Variants in POLN observed in about 807,000 individuals in gnomAD.
The protein encoded by POLN is DNA polymerase nu.
A neutral mutation model predicts 113.5 loss-of-function variants in POLN; 108 were observed. The observed-to-expected ratio is 0.95, with a 90% confidence interval of 0.81 to 1.12. The LOEUF (loss-of-function observed/expected upper bound fraction) is 1.12. Among genes scored for constraint, POLN ranks in the 50% most tolerant of loss-of-function variants. The pLI, the probability that POLN is intolerant of heterozygous loss-of-function variation, is 0.00. For synonymous variants in POLN, 386 were observed against 391.5 expected, an observed-to-expected ratio of 0.99 and a Z score of 0.17; for missense variants, 1,097 against 1,077.1, an observed-to-expected ratio of 1.02 and a Z score of -0.26.
chr4:2,240,083 T>C (rs1411816115), intron 2 of POLN: 2 of 1,613,954 alleles, frequency 1.2e-6, no homozygotes, highest in Non-Finnish European at 1.7e-6. Flanking sequence ...ATTTTATACT[T>C]GACTTCATGC....
chr4:2,148,643 G>A (rs1732209668), intron 16 of POLN, among the ~76,000 whole-genome samples: 1 of 149,662 alleles, frequency 6.7e-6, no homozygotes, highest in African/African-American at 2.5e-5. Flanking sequence ...CTCCAGCCTG[G>A]GCGACAGAGC....
chr4:2,128,874 G>A (rs1285426051), intron 18 of POLN, among the ~76,000 whole-genome samples: 1 of 152,066 alleles, frequency 6.6e-6, no homozygotes, highest in Admixed American at 6.6e-5. Context: ...AACCAACACA[G>A]TGAAACCCTG....
chr4:2,179,335 T>C lies in POLN; in HGVS notation c.1152A>G (p.Thr384=), dbSNP rs199662132. 8.1e-6 allele frequency: 13 copies of C among 1,613,002 alleles called. No homozygotes were observed. In the East Asian group the frequency reaches 1.3e-4, roughly 17 times the overall value. ...CAATATTTCTTGAGGAATTTCCATA[T>C]GTGCTGTTCACTTTAACTGTAATGG... The part of the protein sequence containing the change: ...EKSITVKVNS[T]YGNSSRNIVN... The change falls in exon 8 of 26, where the codon ACA becomes ACG. Residue 384 remains threonine, a synonymous_variant. Transcript: ENST00000511885.
intron 3 of POLN, among the ~76,000 whole-genome samples, chr4:2,217,631 T>C (rs1734144017): frequency 6.6e-6 from 1 of 152,210 alleles, no homozygotes; most frequent in East Asian, 1.9e-4. Flanking sequence ...GTTTTGTTTT[T>C]GAAAAATTTA....
chr4:2,157,826 T>C, intron 15 of POLN, 32 bp downstream of exon 15: 1 of 1,516,610 alleles, frequency 6.6e-7, no homozygotes, highest in Non-Finnish European at 9.1e-7. Context: ...ACCACAGTCC[T>C]AATCACAGTA....
At chr4:2,096,686 A>AAGAG (rs750844060) in intron 19 of POLN, among the ~76,000 whole-genome samples, 13,978 of 129,736 alleles carry the variant, frequency 0.11, 807 homozygotes, top group Middle Eastern at 0.14. Context: ...AGCCGAGAGA[A>AAGAG]AGAGAGAGAG....
At chr4:2,139,695 G>A (rs894959176) in intron 16 of POLN, 1 of 152,120 alleles carries the variant, frequency 6.6e-6, no homozygotes, top group African/African-American at 2.4e-5. Flanking sequence ...GTAATTATGT[G>A]GTATATGAAC....
intron 6 of POLN, among the ~76,000 whole-genome samples, chr4:2,194,184 C>T (rs904070439): frequency 4.6e-5 from 7 of 152,172 alleles, no homozygotes; most frequent in African/African-American, 1.7e-4. Context: ...AAATGACTAA[C>T]AAATGGCAAT....
At chr4:2,137,478 G>C (rs1307639910) in intron 16 of POLN, among the ~76,000 whole-genome samples, 1 of 152,250 alleles carries the variant, frequency 6.6e-6, no homozygotes. Flanking sequence ...GAGCCAGGCT[G>C]ATGCCACTGC....
At chr4:2,146,398 C>T (rs1201516133) in intron 16 of POLN, among the ~76,000 whole-genome samples, 1 of 152,284 alleles carries the variant, frequency 6.6e-6, no homozygotes, top group East Asian at 1.9e-4. Flanking sequence ...ATCCCAGCTA[C>T]TTGGGAGGCT....
intron 20 of POLN, 92 bp downstream of exon 20, chr4:2,095,759 C>T (rs6825795): frequency 3.2e-4 from 373 of 1,181,656 alleles, no homozygotes; most frequent in Non-Finnish European, 1.8e-4. Context: ...GACTCACAGA[C>T]GATTTCTGAG....
At position 2,226,000 on chromosome 4, in the gene POLN, A is replaced by G. The variant is rs528782060; in HGVS notation, c.133+3099T>C. Among the ~76,000 whole-genome samples the G allele has an allele frequency of 3.7e-3, 565 of 152,218 alleles. 4 individuals carry two copies. The highest frequency in any genetic ancestry group is 0.013 in the African/African-American group (537 of 41,542). Reference sequence around the variant, plus strand: ...CAAGACCCTGTCTCGAAAAAAAAAAAAGTAAGTTTATCTCTCTCCCATGTT... The same window carrying G: ...CAAGACCCTGTCTCGAAAAAAAAAAGAGTAAGTTTATCTCTCTCCCATGTT... On this transcript the variant is annotated intron_variant, in intron 3 of 25. Coordinates refer to ENST00000511885, the MANE Select transcript of POLN (RefSeq NM_181808.4).
chr4:2,118,895 A>G (rs566959907), intron 19 of POLN, among the ~76,000 whole-genome samples: 2 of 152,372 alleles, frequency 1.3e-5, no homozygotes, highest in African/African-American at 4.8e-5. Context: ...AGCAGTTGTA[A>G]TAGAGGGAAA....
chr4:2,206,414 AAAAGGCTTTTGCATAGC>A (rs1227502092), intron 5 of POLN, among the ~76,000 whole-genome samples: 1 of 152,244 alleles, frequency 6.6e-6, no homozygotes, highest in African/African-American at 2.4e-5. Context: ...TAATTAAACT[AAAAGGCTTTTGCATAGC>A]AAAGGGAATA....
chr4:2,165,470 T>C (rs1732706689), intron 13 of POLN, among the ~76,000 whole-genome samples: 1 of 152,246 alleles, frequency 6.6e-6, no homozygotes. Context: ...GCAGTGGCGC[T>C]GCTCTGTATG....
intron 19 of POLN, among the ~76,000 whole-genome samples, chr4:2,110,604 A>G (rs1731168203): frequency 6.6e-6 from 1 of 152,220 alleles, no homozygotes; most frequent in Admixed American, 6.5e-5. Flanking sequence ...AGAGAATACT[A>G]TAAACACCTC....
Position 2,126,368 on chromosome 4 carries a change from T to C in POLN, c.1982+1745A>G, listed in dbSNP as rs534152503. 6.6e-6 allele frequency among the ~76,000 whole-genome samples: 1 copy of C among 152,318 alleles called. No individual in the cohort carries two copies. Among genetic ancestry groups the C allele is most frequent in the East Asian group, 1.9e-4 (1 of 5,180 alleles). ...TGTGGTGGTAGCCTTTTTGGAGAGA[T>C]TTTCTGATTCAAACGCAAGTTTGCG... On this transcript the variant is annotated intron_variant, in intron 19 of 25. Coordinates refer to ENST00000511885, the MANE Select transcript of POLN (RefSeq NM_181808.4). This position sits in a 1 kb window ranked among gnomAD's most constrained non-coding sequence, Gnocchi z 4.6.
intron 16 of POLN, among the ~76,000 whole-genome samples, chr4:2,133,455 T>C (rs34262582): frequency 0.033 from 5,085 of 152,166 alleles, 292 homozygotes; most frequent in African/African-American, 0.12. Flanking sequence ...GAAAATGTGG[T>C]AAATATACAC....
chr4:2,137,714 C>T (rs564595805), intron 16 of POLN, among the ~76,000 whole-genome samples: 7 of 152,324 alleles, frequency 4.6e-5, no homozygotes, highest in Non-Finnish European at 7.4e-5. Flanking sequence ...ATCGTCCCCC[C>T]ACTACATACG....
Sources: allele counts gnomAD v4.1 joint callset (sites outside exome capture counted in the v4.1 genomes callset), GRCh38; gene constraint gnomAD v4.1.1; non-coding constraint Gnocchi (gnomAD v3.1); transcripts MANE v1.5; gene names NCBI Gene and HGNC (gene_info 2026-07-23, HGNC 2026-07-21).